Variants in IST1 observed in about 807,000 individuals in gnomAD.
IST1 encodes IST1 homolog.
Under a neutral mutation model 37.0 loss-of-function variants are expected in IST1, and 23 were observed. That is an observed-to-expected ratio of 0.62 (90% CI 0.45 to 0.88). IST1 has a LOEUF of 0.88. Ranked by LOEUF, IST1 falls within the 40% of genes least tolerant of loss-of-function variation. The pLI, the probability that IST1 is intolerant of heterozygous loss-of-function variation, is 0.00. For synonymous variants in IST1, 180 were observed against 161.7 expected (o/e 1.11, Z -0.86); for missense variants, 488 against 445.4 (o/e 1.10, Z -0.86).
At position 71,929,723 on chromosome 16, in the gene IST1, ACTG is replaced by A. The variant is rs1257391971; in HGVS notation, c.*1913_*1915del. ...AGAGAAAAGTGAGAAAATTGAAATT[ACTG>A]CTAATAGTGGAGTAAAAAAAGTACC... On this transcript the variant is annotated 3_prime_UTR_variant, in exon 10 of 10. Transcript: ENST00000378799. The A allele has an allele frequency of 1.4e-6, 2 of 1,476,732 alleles. No individual in the cohort carries two copies. Among genetic ancestry groups the A allele is most frequent in the Admixed American group, 4.9e-5 (2 of 40,952 alleles). The allele number at this position is 1,476,732 out of a possible 1,614,324, so 91.5% of individuals were successfully genotyped here.
chr16:71,923,484 A>C, intron 8 of IST1, 104 bp downstream of exon 8: 1 of 637,424 alleles, frequency 1.6e-6, no homozygotes, highest in East Asian at 2.9e-5. Context: ...AACTCCTAGT[A>C]CTGTCATCAT....
intron 8 of IST1, 89 bp from the exon 9 acceptor site, chr16:71,924,680 C>G (rs1011805222): frequency 1.9e-5 from 19 of 1,001,476 alleles, no homozygotes; most frequent in Non-Finnish European, 9.6e-6. Context: ...TGGTGAGCAA[C>G]TTAACTTTTG....
intron 1 of IST1, among the ~76,000 whole-genome samples, chr16:71,896,260 C>T (rs568155762): frequency 1.1e-3 from 172 of 152,088 alleles, no homozygotes; most frequent in South Asian, 1.0e-2. Context: ...CTGGAGGTGA[C>T]CTCTTGGAAC....
chr16:71,899,293 G>T (rs2037048946), intron 1 of IST1, among the ~76,000 whole-genome samples: 1 of 151,832 alleles, frequency 6.6e-6, no homozygotes, highest in Admixed American at 6.6e-5. Flanking sequence ...TAAAGGAATT[G>T]GACCACCAGG....
intron 1 of IST1, among the ~76,000 whole-genome samples, chr16:71,913,760 C>A (rs1002360413): frequency 8.5e-5 from 13 of 152,090 alleles, no homozygotes; most frequent in Non-Finnish European, 1.6e-4. Flanking sequence ...CTTGGCCTCC[C>A]AAAGGACTGG....
chr16:71,909,091 T>C (rs1302651025), intron 1 of IST1, among the ~76,000 whole-genome samples: 22 of 136,310 alleles, frequency 1.6e-4, no homozygotes, highest in African/African-American at 2.5e-4. Context: ...CAAATTTTGT[T>C]TGTCTTTTTT....
intron 1 of IST1, among the ~76,000 whole-genome samples, chr16:71,907,112 T>C (rs1026029765): frequency 6.6e-6 from 1 of 152,196 alleles, no homozygotes; most frequent in Non-Finnish European, 1.5e-5. Flanking sequence ...GATTCAAGTT[T>C]GCTAAGCTTT....
chr16:71,921,004 C>G lies in IST1; in HGVS notation c.441+182C>G, dbSNP rs553435513. On this transcript the variant is annotated intron_variant, in intron 5 of 9. Transcript: ENST00000378799. ...CAATCCTTACACCTGCCCAATTCCT[C>G]TGGTTACTGTCATTCCTGACTCCAC... 6.7e-4 allele frequency: 437 copies of G among 647,714 alleles called. 8 individuals are homozygous for G. In the South Asian group the frequency reaches 7.1e-3, roughly 11 times the overall value. 40.1% of individuals were successfully genotyped at this position (647,714 alleles called of 1,614,324 possible). A position where few individuals can be genotyped will look rare whatever the true frequency, so the allele number is the denominator to read the frequency against.
intron 1 of IST1, among the ~76,000 whole-genome samples, chr16:71,909,352 G>T (rs934280661): frequency 6.6e-6 from 1 of 152,120 alleles, no homozygotes; most frequent in African/African-American, 2.4e-5. Context: ...CGATCCTCCT[G>T]CCCGGACCTC....
intron 6 of IST1, 38 bp from the exon 7 acceptor site, chr16:71,922,436 A>C (rs772178347): frequency 1.3e-6 from 2 of 1,572,584 alleles, no homozygotes; most frequent in South Asian, 2.2e-5. Flanking sequence ...CTGGCCTTGG[A>C]CATGGGTTAA....
At chr16:71,907,827 A>G (rs2037260478) in intron 1 of IST1, among the ~76,000 whole-genome samples, 2 of 151,650 alleles carry the variant, frequency 1.3e-5, no homozygotes, top group Admixed American at 1.3e-4. Flanking sequence ...TTTTATTTTT[A>G]TTTTGAGACA....
At chr16:71,906,459 C>T (rs1308024418) in intron 1 of IST1, among the ~76,000 whole-genome samples, 2 of 151,612 alleles carry the variant, frequency 1.3e-5, no homozygotes, top group African/African-American at 4.9e-5. Flanking sequence ...AGGTGCCCGC[C>T]ACCACGCCCA....
rs113646155 is a variant in IST1 at position 71,898,463 on chromosome 16, C to A, written c.-16+2874C>A. Among the ~76,000 whole-genome samples the A allele has an allele frequency of 8.5e-4, 128 of 151,100 alleles. 2 individuals carry two copies. Among genetic ancestry groups the A allele is most frequent in the African/African-American group, 3.0e-3 (123 of 41,196 alleles). On this transcript the variant is annotated intron_variant, in intron 1 of 9. Transcript: ENST00000378799. The stretch of plus-strand genomic sequence containing the variant: ...CTTTGAGAGGCTGAGGTGAACGGAT[C>A]ATGTGAGGTTAGGAGTTCAAGACCA...
intron 1 of IST1, among the ~76,000 whole-genome samples, chr16:71,897,599 A>G (rs1427898461): frequency 1.3e-5 from 2 of 152,242 alleles, no homozygotes; most frequent in Non-Finnish European, 2.9e-5. Flanking sequence ...TTATTTCAGC[A>G]TTACTTATAT....
At chr16:71,902,318 G>A (rs547418296) in intron 1 of IST1, among the ~76,000 whole-genome samples, 27 of 152,198 alleles carry the variant, frequency 1.8e-4, no homozygotes, top group African/African-American at 6.5e-4. Flanking sequence ...CATCCAGGCT[G>A]GAATGCAGTG....
intron 1 of IST1, among the ~76,000 whole-genome samples, chr16:71,910,307 A>G (rs1221567495): frequency 6.6e-6 from 1 of 152,038 alleles, no homozygotes; most frequent in Non-Finnish European, 1.5e-5. Flanking sequence ...TGGATATCAG[A>G]TTGAAAAACA....
chr16:71,910,648 AG>A, intron 1 of IST1, among the ~76,000 whole-genome samples: 1 of 152,046 alleles, frequency 6.6e-6, no homozygotes, highest in Non-Finnish European at 1.5e-5. Context: ...TACTATGTAT[AG>A]GATTCGGTAT....
At chr16:71,905,182 C>T (rs540181705) in intron 1 of IST1, among the ~76,000 whole-genome samples, 44 of 151,896 alleles carry the variant, frequency 2.9e-4, no homozygotes, top group South Asian at 2.1e-4. Context: ...ACTGCAGGTG[C>T]GTGCCATCAC....
chr16:71,910,498 C>G (rs570972148), intron 1 of IST1, among the ~76,000 whole-genome samples: 3 of 151,090 alleles, frequency 2.0e-5, no homozygotes, highest in African/African-American at 7.3e-5. Context: ...CCCAGCTACT[C>G]GGGAGGCTGA....
Sources: gnomAD v4.1 joint callset for allele counts (sites outside exome capture counted in the v4.1 genomes callset) on GRCh38, gnomAD v4.1.1 for gene constraint, MANE v1.5 for transcripts, NCBI Gene and HGNC (gene_info 2026-07-23, HGNC 2026-07-21) for gene names.